The following AFAP1L2 variants were observed in gnomAD, a reference collection of about 807,000 sequenced individuals.
AFAP1L2 encodes the protein actin filament-associated protein 1-like 2.
Under a neutral mutation model 99.3 loss-of-function variants are expected in AFAP1L2, and 46 were observed. That is an observed-to-expected ratio of 0.46 (90% confidence interval 0.37 to 0.59). The LOEUF (loss-of-function observed/expected upper bound fraction) is 0.59. Among genes scored for constraint, AFAP1L2 ranks in the 20% least tolerant of loss-of-function variants. The pLI is 0.00. For missense variants in AFAP1L2, 959 were observed against 1,034.9 expected (o/e 0.93, Z 1.01); for synonymous variants, 397 against 419.1 (o/e 0.95, Z 0.64).
At position 114,390,607 on chromosome 10, in the gene AFAP1L2, G is replaced by A. The variant is rs181504065; in HGVS notation, c.16+13833C>T. 4.8e-3 allele frequency among the ~76,000 whole-genome samples: 728 copies of A among 151,476 alleles called. 10 individuals are homozygous for A. Among genetic ancestry groups the A allele is most frequent in the African/African-American group, 0.017 (702 of 41,250 alleles). ...ATGGTGGCACGCACCTGTAATCCCA[G>A]CTACTCAGGAGGCTGAGGTAGGAGA... On this transcript the variant is annotated intron_variant, in intron 1 of 18. Transcript: ENST00000304129.
intron 1 of AFAP1L2, among the ~76,000 whole-genome samples, chr10:114,367,245 A>C (rs899615410): frequency 6.6e-6 from 1 of 152,184 alleles, no homozygotes; most frequent in Non-Finnish European, 1.5e-5. Flanking sequence ...CCCTTCTGGA[A>C]ACACCCTGTC....
At chr10:114,402,124 G>A (rs912006416) in intron 1 of AFAP1L2, among the ~76,000 whole-genome samples, 3 of 152,064 alleles carry the variant, frequency 2.0e-5, no homozygotes, top group African/African-American at 7.2e-5. Context: ...TGCTTTTTCC[G>A]TTTAACTTTG....
chr10:114,353,153 T>TCC (rs2050799161), intron 1 of AFAP1L2, among the ~76,000 whole-genome samples: 1 of 152,226 alleles, frequency 6.6e-6, no homozygotes, highest in Non-Finnish European at 1.5e-5. Context: ...GCCATGGGAC[T>TCC]CTTCCTGGAA....
intron 1 of AFAP1L2, among the ~76,000 whole-genome samples, chr10:114,390,027 C>T (rs115252286): frequency 0.01 from 1,545 of 152,310 alleles, 34 homozygotes; most frequent in African/African-American, 0.036. Flanking sequence ...TCCCCATACC[C>T]CATTCTCCTC....
intron 1 of AFAP1L2, among the ~76,000 whole-genome samples, chr10:114,393,095 C>T (rs796519165): frequency 1.2e-4 from 18 of 152,260 alleles, no homozygotes; most frequent in African/African-American, 4.1e-4. Flanking sequence ...AGCAGGAAGG[C>T]CCCCAAGATA....
intron 1 of AFAP1L2, among the ~76,000 whole-genome samples, chr10:114,353,617 T>G (rs1238906168): frequency 6.6e-6 from 1 of 152,144 alleles, no homozygotes; most frequent in African/African-American, 2.4e-5. Flanking sequence ...AAGCCTAGAG[T>G]TTATTCCATT....
chr10:114,349,813 G>A (rs1271680515), intron 1 of AFAP1L2, among the ~76,000 whole-genome samples: 2 of 151,646 alleles, frequency 1.3e-5, no homozygotes, highest in Non-Finnish European at 2.9e-5. Context: ...TGGCGAGGGG[G>A]GCGGGGGGGT....
intron 1 of AFAP1L2, among the ~76,000 whole-genome samples, chr10:114,364,176 G>A (rs2052870047): frequency 6.6e-6 from 1 of 152,186 alleles, no homozygotes; most frequent in African/African-American, 2.4e-5. Flanking sequence ...ACTGCAGAGG[G>A]TCTGCCCCTG....
At chr10:114,291,622 A>G (rs2039608306), downstream of AFAP1L2, 1 of 200,266 alleles carries the variant, frequency 5.0e-6, no homozygotes, top group Admixed American at 5.3e-5. Flanking sequence ...GCACACAATC[A>G]ATGCTCGCCA....
chr10:114,331,737 G>T, intron 4 of AFAP1L2, 66 bp downstream of exon 4: 1 of 1,149,458 alleles, frequency 8.7e-7, no homozygotes, highest in Non-Finnish European at 1.1e-6. Context: ...GCTGACACCT[G>T]TGGAGACAAC....
intron 12 of AFAP1L2, chr10:114,302,116 G>GCC (rs1589948260): frequency 1.7e-6 from 1 of 585,442 alleles, no homozygotes; most frequent in Non-Finnish European, 3.0e-6. Flanking sequence ...TGCCAAAGCT[G>GCC]CCCCCGGGGC....
chr10:114,309,164 G>A (rs2042845496), intron 8 of AFAP1L2, among the ~76,000 whole-genome samples: 2 of 152,226 alleles, frequency 1.3e-5, no homozygotes, highest in South Asian at 4.1e-4. Flanking sequence ...AGTCTCCCAA[G>A]CAACAGGACC....
intron 1 of AFAP1L2, among the ~76,000 whole-genome samples, chr10:114,381,282 G>A (rs529278100): frequency 1.3e-5 from 2 of 152,292 alleles, no homozygotes; most frequent in African/African-American, 4.8e-5. Context: ...TCTGTCACAA[G>A]AGTCTACATA....
At chr10:114,302,177 C>T (rs751345073) in intron 12 of AFAP1L2, among the ~76,000 whole-genome samples, 162 bp downstream of exon 12, 9 of 152,178 alleles carry the variant, frequency 5.9e-5, no homozygotes, top group South Asian at 2.1e-4. Context: ...GGCTCTTGGC[C>T]GGGCCTCCCT....
At chr10:114,291,692 C>T (rs1488496914), downstream of AFAP1L2, among the ~76,000 whole-genome samples, 2 of 152,316 alleles carry the variant, frequency 1.3e-5, no homozygotes, top group East Asian at 1.9e-4. Context: ...CTTTGGACGG[C>T]GAAGGCCACG....
At position 114,300,452 on chromosome 10, in the gene AFAP1L2, C is replaced by T. The variant is rs777269002; in HGVS notation, c.1781G>A (p.Gly594Glu). The change falls in exon 14 of 19, where the codon GGA (glycine) becomes GAA (glutamate). Residue 594 changes from glycine (G) to glutamate (E), a missense_variant. Gly to Glu is a moderately conservative substitution (Grantham distance 98, BLOSUM62 -2). Around this residue, in one of 2 missense-constraint regions of AFAP1L2, gnomAD observed 576 missense variants for 562.1 expected, o/e 1.02. Coordinates refer to ENST00000304129, the MANE Select transcript of AFAP1L2 (RefSeq NM_001001936.3). Reference protein sequence around the residue: ...EPCIKCPENLGEQQLESLEPE... With the variant: ...EPCIKCPENLEEQQLESLEPE... ...TGCAGGGGAGGCCTGTACCTGTTCT[C>T]CCAGGTTCTCTGGACACTTTATGCA... 25 of 1,613,336 alleles carry T rather than the reference C, an allele frequency of 1.5e-5. No homozygotes were observed. Among genetic ancestry groups the T allele is most frequent in the Non-Finnish European group, 2.0e-5 (24 of 1,179,520 alleles).
intron 1 of AFAP1L2, among the ~76,000 whole-genome samples, chr10:114,371,530 T>A (rs115980522): frequency 0.024 from 3,656 of 151,638 alleles, 145 homozygotes; most frequent in African/African-American, 0.084. Flanking sequence ...TTTCTTTTTT[T>A]AAAAAAAACA....
chr10:114,349,138 G>A (rs1187979261), intron 1 of AFAP1L2, among the ~76,000 whole-genome samples: 3 of 152,090 alleles, frequency 2.0e-5, no homozygotes, highest in Non-Finnish European at 4.4e-5. Context: ...AGCACTTTGG[G>A]AGGCCGAGGT....
intron 1 of AFAP1L2, among the ~76,000 whole-genome samples, chr10:114,376,908 C>A (rs1037840899): frequency 1.3e-5 from 2 of 152,130 alleles, no homozygotes; most frequent in South Asian, 4.2e-4. Flanking sequence ...CTAGAAGTCA[C>A]CACCCACAGA....
Sources: gnomAD v4.1 joint callset for allele counts (sites outside exome capture counted in the v4.1 genomes callset) on GRCh38, gnomAD v4.1.1 for gene constraint, gnomAD v4.1.1 regional missense constraint, MANE v1.5 for transcripts, NCBI Gene and HGNC (gene_info 2026-07-23, HGNC 2026-07-21) for gene names.